ZNF804A: variants seen among roughly 807,000 people sequenced by gnomAD.
ZNF804A encodes zinc finger protein 804A.
Under a neutral mutation model 16.5 loss-of-function variants are expected in ZNF804A, and 2 were observed. The ratio of observed to expected loss-of-function variants is 0.12; its 90% CI spans 0.05 to 0.38. ZNF804A has a LOEUF of 0.38. ZNF804A is among the 10% of genes least tolerant of loss of function. The probability of loss-of-function intolerance (pLI) is 0.99; values close to 1 mark genes in which losing one functional copy is unlikely to be tolerated. For missense variants in ZNF804A, 1,473 were observed against 1,390.7 expected, an observed-to-expected ratio of 1.06 and a Z score of -0.94; for synonymous variants, 534 against 489.6, an observed-to-expected ratio of 1.09 and a Z score of -1.20.
At chr2:184,870,674 G>T (rs1328376528) in intron 2 of ZNF804A, among the ~76,000 whole-genome samples, 1 of 151,910 alleles carries the variant, frequency 6.6e-6, no homozygotes, top group Non-Finnish European at 1.5e-5. Context: ...GTGTAAAAAG[G>T]CTAGTGTCAA....
At chr2:184,836,426 C>G (rs1013947005) in intron 1 of ZNF804A, among the ~76,000 whole-genome samples, 4 of 152,036 alleles carry the variant, frequency 2.6e-5, no homozygotes, top group African/African-American at 9.7e-5. Flanking sequence ...GAATCAGTGT[C>G]TTAGAGGGAA....
intron 1 of ZNF804A, among the ~76,000 whole-genome samples, chr2:184,718,851 C>T (rs1559134198): frequency 6.6e-6 from 1 of 152,082 alleles, no homozygotes; most frequent in Non-Finnish European, 1.5e-5. Context: ...GTTGGTGGAC[C>T]TACCATTCTG....
intron 1 of ZNF804A, among the ~76,000 whole-genome samples, chr2:184,825,799 A>G (rs900153525): frequency 3.3e-5 from 5 of 152,132 alleles, no homozygotes; most frequent in African/African-American, 1.2e-4. Context: ...TATATTACAT[A>G]TATGGGCATG....
At chr2:184,707,043 G>A (rs1384155164) in intron 1 of ZNF804A, among the ~76,000 whole-genome samples, 1 of 152,034 alleles carries the variant, frequency 6.6e-6, no homozygotes, top group Non-Finnish European at 1.5e-5. Context: ...AACTTCATAG[G>A]CATAAAGAGA....
chr2:184,889,580 G>A (rs1684949313), intron 2 of ZNF804A, among the ~76,000 whole-genome samples: 1 of 151,754 alleles, frequency 6.6e-6, no homozygotes, highest in African/African-American at 2.4e-5. Flanking sequence ...TATTAAAGCT[G>A]TAGTATATTA....
At chr2:184,624,987 T>A (rs1308054604) in intron 1 of ZNF804A, among the ~76,000 whole-genome samples, 1 of 152,150 alleles carries the variant, frequency 6.6e-6, no homozygotes, top group Non-Finnish European at 1.5e-5. Context: ...GTGATGGGAA[T>A]GTTCTGTTGC....
At chr2:184,764,957 A>G (rs1269668028) in intron 1 of ZNF804A, among the ~76,000 whole-genome samples, 1 of 151,340 alleles carries the variant, frequency 6.6e-6, no homozygotes, top group South Asian at 2.1e-4. Context: ...TTTAGAAAAC[A>G]AAAAAAAACT....
chr2:184,650,801 A>G (rs1428100175), intron 1 of ZNF804A, among the ~76,000 whole-genome samples: 2 of 152,186 alleles, frequency 1.3e-5, no homozygotes, highest in Admixed American at 6.5e-5. Flanking sequence ...GAAGTCATAC[A>G]TGACACAAAT....
At chr2:184,778,052 G>A (rs553969494) in intron 1 of ZNF804A, among the ~76,000 whole-genome samples, 1 of 151,676 alleles carries the variant, frequency 6.6e-6, no homozygotes, top group Admixed American at 6.6e-5. Context: ...CTGCAGTTTA[G>A]AAGATTCTAC....
chr2:184,834,509 ATG>A (rs772951913), intron 1 of ZNF804A, among the ~76,000 whole-genome samples: 26 of 152,088 alleles, frequency 1.7e-4, no homozygotes, highest in Non-Finnish European at 2.9e-4. Context: ...GAGCTAGAAA[ATG>A]TGTATCTCTC....
At position 184,938,225 on chromosome 2, in the gene ZNF804A, A is replaced by G; in HGVS notation, c.2829A>G (p.Ile943Met). 6.2e-7 allele frequency: 1 copy of G among 1,614,122 alleles called. No individual in the cohort carries two copies. The highest frequency in any genetic ancestry group is 8.5e-7 in the Non-Finnish European group (1 of 1,180,014). ...LLEHKERSENINLNEKQIPFQ... is the reference protein window; with the variant it reads ...LLEHKERSENMNLNEKQIPFQ... ...AACACAAAGAAAGAAGTGAGAATAT[A>G]AATCTTAATGAAAAGCAAATTCCTT... The change falls in exon 4 of 4, where the codon ATA becomes ATG. Residue 943 changes from isoleucine (I) to methionine (M), a missense_variant. By Grantham distance (10) the Ile-to-Met change is conservative. Coordinates refer to ENST00000302277, the MANE Select transcript of ZNF804A (RefSeq NM_194250.2).
At chr2:184,693,935 T>G (rs1391974163) in intron 1 of ZNF804A, among the ~76,000 whole-genome samples, 1 of 148,782 alleles carries the variant, frequency 6.7e-6, no homozygotes, top group Non-Finnish European at 1.5e-5. Context: ...TAGTCTTTTT[T>G]TTTTTTTTTT....
chr2:184,918,493 T>C (rs1321774037), intron 2 of ZNF804A, among the ~76,000 whole-genome samples: 1 of 152,140 alleles, frequency 6.6e-6, no homozygotes. Flanking sequence ...AAGGAAAACA[T>C]CATCATATAT....
At chr2:184,934,454 T>C (rs1358720649) in intron 3 of ZNF804A, among the ~76,000 whole-genome samples, 1 of 152,148 alleles carries the variant, frequency 6.6e-6, no homozygotes, top group Non-Finnish European at 1.5e-5. Context: ...TGCTGAATAA[T>C]GTTATGGGAT....
Position 184,810,723 on chromosome 2 carries a change from CT to C in ZNF804A, c.112-55645del, listed in dbSNP as rs1001468714. Among the ~76,000 whole-genome samples, 39 of 152,136 alleles carry C rather than the reference CT, an allele frequency of 2.6e-4. 1 individual carries two copies. The highest frequency in any genetic ancestry group is 9.2e-4 in the African/African-American group (38 of 41,522). On this transcript the variant is annotated intron_variant, in intron 1 of 3. Transcript: ENST00000302277. Reference sequence around the variant, plus strand: ...GCCAGGATGGTCTCGATCTCCTGACCTCGTGACCTGCCCACCTCGGCCTCCC... The same window carrying C: ...GCCAGGATGGTCTCGATCTCCTGACCCGTGACCTGCCCACCTCGGCCTCCC...
At chr2:184,681,751 C>A (rs1692544162) in intron 1 of ZNF804A, among the ~76,000 whole-genome samples, 1 of 152,194 alleles carries the variant, frequency 6.6e-6, no homozygotes, top group Non-Finnish European at 1.5e-5. Context: ...AGGAGGGAGT[C>A]CCACCTTCTA....
At chr2:184,639,818 T>C (rs1022307124) in intron 1 of ZNF804A, among the ~76,000 whole-genome samples, 1 of 151,858 alleles carries the variant, frequency 6.6e-6, no homozygotes, top group Non-Finnish European at 1.5e-5. Context: ...CTGGTTAATA[T>C]GGTGAAACCC....
At chr2:184,772,058 C>T (rs77287955) in intron 1 of ZNF804A, among the ~76,000 whole-genome samples, 5,355 of 151,932 alleles carry the variant, frequency 0.035, 305 homozygotes, top group African/African-American at 0.12. Context: ...AGAATCTGTC[C>T]ATTATAATGT....
rs2105845012 is a variant in ZNF804A at position 184,938,058 on chromosome 2, C to A, written c.2662C>A (p.Pro888Thr). The stretch of plus-strand genomic sequence containing the variant: ...GTCTTTCCACCCTAACAATCTCCTT[C>A]CTTCTGAAACCAATGGTGAAACTGA... The part of the protein sequence containing the change: ...KLSFHPNNLL[P>T]SETNGETEHL... Residue 888 changes from proline to threonine, a missense_variant, in exon 4 of 4, where the codon CCT becomes ACT. Pro to Thr is a conservative substitution (Grantham distance 38, BLOSUM62 -1). Transcript: ENST00000302277. 1 of 1,614,044 alleles carries A rather than the reference C, an allele frequency of 6.2e-7. No individual in the cohort carries two copies. The highest frequency in any genetic ancestry group is 1.3e-5 in the African/African-American group (1 of 75,056).
Sources: gnomAD v4.1 joint callset for allele counts (sites outside exome capture counted in the v4.1 genomes callset) on GRCh38, gnomAD v4.1.1 for gene constraint, MANE v1.5 for transcripts, NCBI Gene and HGNC (gene_info 2026-07-23, HGNC 2026-07-21) for gene names.